The following MBD1 variants were observed in gnomAD, a reference collection of about 807,000 sequenced individuals.
MBD1 encodes the protein methyl-CpG-binding domain protein 1.
In MBD1, 25 loss-of-function variants were observed where a neutral mutation model predicts 82.6. That is an observed-to-expected ratio of 0.30 (90% confidence interval 0.22 to 0.42). The LOEUF (loss-of-function observed/expected upper bound fraction) is 0.42. MBD1 is among the 10% of genes least tolerant of loss of function. The pLI, the probability that MBD1 is intolerant of heterozygous loss-of-function variation, is 1.00. For missense variants in MBD1, 627 were observed against 819.6 expected, an observed-to-expected ratio of 0.76 and a Z score of 2.87; for synonymous variants, 301 against 303.7, an observed-to-expected ratio of 0.99 and a Z score of 0.09.
chr18:50,272,402 C>G, intron 15 of MBD1: 2 of 500,758 alleles, frequency 4.0e-6, no homozygotes, highest in Non-Finnish European at 7.3e-6. Context: ...AGGGACCAGA[C>G]TCCCTATCTT....
Position 50,273,710 on chromosome 18 carries a change from G to A in MBD1, c.1300C>T (p.His434Tyr). 6.2e-7 allele frequency: 1 copy of A among 1,614,182 alleles called. No homozygotes were observed. The highest frequency in any genetic ancestry group is 8.5e-7 in the Non-Finnish European group (1 of 1,180,048). The change falls in exon 12 of 17, where the codon CAT (histidine) becomes TAT (tyrosine). Residue 434 changes from histidine to tyrosine, a missense_variant. Physicochemically the swap from His to Tyr is moderately conservative, Grantham distance 83. Coordinates refer to ENST00000269468, the MANE Select transcript of MBD1 (RefSeq NM_015846.4). ...TLATRTAQPDHTQAPTKQEAG... is the reference protein window; with the variant it reads ...TLATRTAQPDYTQAPTKQEAG... ...TCCTGCTTCGTTGGAGCCTGGGTAT[G>A]GTCTGGTTGGGCTGTGCGTGTAGCC... is the stretch of plus-strand genomic sequence containing the variant.
At chr18:50,281,626 C>A, upstream of MBD1, 1 of 444,278 alleles carries the variant, frequency 2.3e-6, no homozygotes, top group Non-Finnish European at 4.0e-6. Flanking sequence ...GGCTCCCGCG[C>A]CTACGGGCCG....
At chr18:50,268,465 T>A (rs928670089), downstream of MBD1, among the ~76,000 whole-genome samples, 2 of 152,248 alleles carry the variant, frequency 1.3e-5, no homozygotes, top group African/African-American at 4.8e-5. Context: ...GGGACTCAGC[T>A]TCCCTCTGGC....
At chr18:50,273,008 A>G in intron 13 of MBD1, 53 bp from the exon 14 acceptor site, 2 of 1,611,030 alleles carry the variant, frequency 1.2e-6, no homozygotes, top group Non-Finnish European at 1.7e-6. Context: ...TCACCTGAGG[A>G]AAGTCTCTAT....
intron 3 of MBD1, 32 bp downstream of exon 3, chr18:50,277,058 C>A: frequency 1.2e-6 from 2 of 1,613,526 alleles, no homozygotes; most frequent in Non-Finnish European, 1.7e-6. Context: ...GGCACATCCA[C>A]CCCTACCTAG....
At chr18:50,276,484 G>T in intron 5 of MBD1, 66 bp from the exon 6 acceptor site, 2 of 1,542,512 alleles carry the variant, frequency 1.3e-6, no homozygotes, top group Non-Finnish European at 1.8e-6. Context: ...TTCACTCACT[G>T]CCTGTGCCCT....
rs1344793294 is a variant in MBD1, at chr18:50,273,449, C to G, written c.1469G>C (p.Ser490Thr). 3.1e-6 allele frequency: 5 copies of G among 1,614,236 alleles called. No homozygotes were observed. Among genetic ancestry groups the G allele is most frequent in the Non-Finnish European group, 4.2e-6 (5 of 1,180,050 alleles). Reference protein sequence around the residue: ...LLQEAQCSGLSWVVALPQVKQ... With the variant: ...LLQEAQCSGLTWVVALPQVKQ... ...CACCTGGGGTAAGGCCACAACCCAA[C>G]TCAGGCCAGAGCACTGGGCCTCCTG... is the stretch of plus-strand genomic sequence containing the variant. The change falls in exon 13 of 17, where the codon AGT (serine) becomes ACT (threonine). Residue 490 changes from serine to threonine, a missense_variant. By Grantham distance (58) the Ser-to-Thr change is moderately conservative. Transcript: ENST00000269468.
Position 50,274,959 on chromosome 18 carries a change from T to G in MBD1, c.978+18A>C. 6.2e-7 allele frequency: 1 copy of G among 1,613,704 alleles called. No individual in the cohort carries two copies. Among genetic ancestry groups the G allele is most frequent in the Non-Finnish European group, 8.5e-7 (1 of 1,179,632 alleles). ...TCCTGAGATTCTAGGCTTATCCAGG[T>G]AGGGTGGGGCCACTCACTAGCTCGT... On this transcript the variant is annotated intron_variant, in intron 10 of 16. Coordinates refer to ENST00000269468, the MANE Select transcript of MBD1 (RefSeq NM_015846.4).
At chr18:50,272,767 T>C (rs754221062) in intron 14 of MBD1, 29 bp from the exon 15 acceptor site, 2 of 1,614,116 alleles carry the variant, frequency 1.2e-6, no homozygotes, top group East Asian at 2.2e-5. Context: ...CATAGGTCAA[T>C]GTGGTTGTTG....
intron 16 of MBD1, chr18:50,271,229 A>G: frequency 7.3e-7 from 1 of 1,371,084 alleles, no homozygotes; most frequent in African/African-American, 1.5e-5. Flanking sequence ...CCACCCTTAA[A>G]ATCCAACTTC....
intron 16 of MBD1, chr18:50,270,184 G>T: frequency 6.3e-7 from 1 of 1,589,724 alleles, no homozygotes; most frequent in South Asian, 1.1e-5. Context: ...GCAGAGGCTG[G>T]ACTGTATGAG....
chr18:50,273,692 T>C lies in MBD1; in HGVS notation c.1318A>G (p.Lys440Glu). The change falls in exon 12 of 17, where the codon AAG becomes GAG. Residue 440 changes from lysine (K) to glutamate (E), a missense_variant. Physicochemically the swap from Lys to Glu is moderately conservative, Grantham distance 56. Transcript: ENST00000269468. Reference protein sequence around the residue: ...AQPDHTQAPTKQEAGGGFVLP... With the variant: ...AQPDHTQAPTEQEAGGGFVLP... The stretch of plus-strand genomic sequence containing the variant: ...ACAAAGCCACCACCTGCTTCCTGCT[T>C]CGTTGGAGCCTGGGTATGGTCTGGT... 3 of 1,614,138 alleles carry C rather than the reference T, an allele frequency of 1.9e-6. No individual in the cohort carries two copies. The highest frequency in any genetic ancestry group is 2.5e-6 in the Non-Finnish European group (3 of 1,180,032).
At position 50,281,523 on chromosome 18, in the gene MBD1, C is replaced by A; in HGVS notation, c.-186G>T. Reference sequence around the variant, plus strand: ...CGCCTCCGCGGCTGTTCGTTGCTCCCGGAACCGGAAGTCCGCTGCCTGCCT... The same window carrying A: ...CGCCTCCGCGGCTGTTCGTTGCTCCAGGAACCGGAAGTCCGCTGCCTGCCT... On this transcript the variant is annotated 5_prime_UTR_variant, in exon 1 of 17. Transcript: ENST00000269468. 6.9e-6 allele frequency: 4 copies of A among 577,260 alleles called. No individual in the cohort carries two copies. In the South Asian group the frequency reaches 8.7e-5, roughly 12 times the overall value. The allele number at this position is 577,260 out of a possible 1,614,324, so 35.8% of individuals were successfully genotyped here. A position where few individuals can be genotyped will look rare whatever the true frequency, so the allele number is the denominator to read the frequency against.
intron 14 of MBD1, 35 bp downstream of exon 14, chr18:50,272,788 AG>A (rs779562282): frequency 6.2e-7 from 1 of 1,613,730 alleles, no homozygotes; most frequent in Non-Finnish European, 8.5e-7. Flanking sequence ...GGGCTACAGC[AG>A]GGTCAGGGCA....
intron 16 of MBD1, chr18:50,270,372 A>C: frequency 1.8e-6 from 1 of 569,812 alleles, no homozygotes; most frequent in Non-Finnish European, 3.3e-6. Context: ...TTATGAATGA[A>C]GAATTGGGAG....
downstream of MBD1, among the ~76,000 whole-genome samples, chr18:50,268,020 C>T (rs2034124868): frequency 6.6e-6 from 1 of 152,202 alleles, no homozygotes; most frequent in Non-Finnish European, 1.5e-5. Context: ...CAGTAAAATA[C>T]GCATTTGCAT....
Position 50,276,687 on chromosome 18 carries a change from G to A in MBD1, c.450C>T (p.Leu150=), listed in dbSNP as rs746182559. Residue 150 remains leucine, a synonymous_variant, in exon 5 of 17, where the codon CTC becomes CTT. Coordinates refer to ENST00000269468, the MANE Select transcript of MBD1 (RefSeq NM_015846.4). The part of the protein sequence containing the change: ...FSGDGTQRQR[L]KTLCKDCRAQ... Reference sequence around the variant, plus strand: ...CTCGACAGTCTTTGCACAACGTTTTGAGCCGCTGCCTTTGGGTGCCATCCC... The same window carrying A: ...CTCGACAGTCTTTGCACAACGTTTTAAGCCGCTGCCTTTGGGTGCCATCCC... 1.9e-6 allele frequency: 3 copies of A among 1,614,158 alleles called. No homozygotes were observed. Among genetic ancestry groups the A allele is most frequent in the Middle Eastern group, 3.3e-4 (2 of 6,062 alleles).
intron 1 of MBD1, chr18:50,281,029 G>C: frequency 2.6e-6 from 2 of 782,784 alleles, no homozygotes; most frequent in Middle Eastern, 2.4e-4. Context: ...ATCAGCCTGA[G>C]GGCCCCTCAT....
At chr18:50,275,571 T>A in intron 8 of MBD1, 29 bp downstream of exon 8, 1 of 1,614,068 alleles carries the variant, frequency 6.2e-7, no homozygotes, top group Non-Finnish European at 8.5e-7. Context: ...AACAGCAGAA[T>A]GAGCTCTGCT....
Sources: allele counts gnomAD v4.1 joint callset (sites outside exome capture counted in the v4.1 genomes callset), GRCh38; gene constraint gnomAD v4.1.1; transcripts MANE v1.5; gene names NCBI Gene and HGNC (gene_info 2026-07-23, HGNC 2026-07-21).